MLLT1: variants seen among roughly 807,000 people sequenced by gnomAD.
The protein encoded by MLLT1 is MLLT1 super elongation complex subunit, also known as protein ENL.
In MLLT1, 11 loss-of-function variants were observed where a neutral mutation model predicts 55.1. The ratio of observed to expected loss-of-function variants is 0.20; its 90% CI spans 0.13 to 0.33. The LOEUF (loss-of-function observed/expected upper bound fraction) is 0.33, where lower values mean the gene tolerates loss of function less well. MLLT1 is among the 10% of genes least tolerant of loss of function. MLLT1 has a pLI of 1.00. For synonymous variants in MLLT1, 323 were observed against 320.1 expected, an observed-to-expected ratio of 1.01 and a Z score of -0.10; for missense variants, 536 against 760.6, an observed-to-expected ratio of 0.70 and a Z score of 3.47.
rs903624914 is a variant in MLLT1 at position 6,235,979 on chromosome 19, C to T, written c.277-5266G>A. ...TCCAAAGCATGTCTGTCTTCTGTCC[C>T]AGCATCCCACTGACCCATGAACACC... is the stretch of plus-strand genomic sequence containing the variant. On this transcript the variant is annotated intron_variant, in intron 3 of 11. Coordinates refer to ENST00000252674, the MANE Select transcript of MLLT1 (RefSeq NM_005934.4). This position sits in a 1 kb window ranked among gnomAD's most constrained non-coding sequence, Gnocchi z 5.5. Among the ~76,000 whole-genome samples, 3 of 152,196 alleles carry T rather than the reference C, an allele frequency of 2.0e-5. No homozygotes were observed. The highest frequency in any genetic ancestry group is 4.4e-5 in the Non-Finnish European group (3 of 68,046).
Position 6,279,832 on chromosome 19 carries a change from C to T in MLLT1, c.-48G>A. 1 of 137,004 alleles carries T rather than the reference C, an allele frequency of 7.3e-6. No individual in the cohort carries two copies. The highest frequency in any genetic ancestry group is 1.6e-5 in the Non-Finnish European group (1 of 61,142). The allele number at this position is 137,004 out of a possible 1,614,324, so 8.5% of individuals were successfully genotyped here. ...CGGGCCCCGCGTCGCTCGCCGCCGCCGCCGCCGCCGCCGCCGCTCAACGCC... is the reference window on the plus strand; with the variant it reads ...CGGGCCCCGCGTCGCTCGCCGCCGCTGCCGCCGCCGCCGCCGCTCAACGCC... On this transcript the variant is annotated 5_prime_UTR_variant, in exon 1 of 12. Transcript: ENST00000252674.
At chr19:6,269,899 T>A (rs932902800) in intron 2 of MLLT1, among the ~76,000 whole-genome samples, 1 of 152,162 alleles carries the variant, frequency 6.6e-6, no homozygotes, top group Non-Finnish European at 1.5e-5. Context: ...GTAAGAAAAG[T>A]AGACGCGGCC....
At chr19:6,267,762 CGAAGGT>C (rs2091360617) in intron 2 of MLLT1, among the ~76,000 whole-genome samples, 1 of 152,118 alleles carries the variant, frequency 6.6e-6, no homozygotes, top group Non-Finnish European at 1.5e-5. Flanking sequence ...AATCGGGGAG[CGAAGGT>C]CTTGGTCTTC....
chr19:6,224,208 C>T (rs2090932321), intron 5 of MLLT1, among the ~76,000 whole-genome samples: 1 of 152,252 alleles, frequency 6.6e-6, no homozygotes, highest in African/African-American at 2.4e-5. Flanking sequence ...CATTCAGTGT[C>T]AAAGGCTCAG....
chr19:6,267,594 G>C (rs1490555470), intron 2 of MLLT1, among the ~76,000 whole-genome samples: 2 of 152,106 alleles, frequency 1.3e-5, no homozygotes, highest in Non-Finnish European at 2.9e-5. Flanking sequence ...GTTTCACACA[G>C]ACCTGACTTT....
At position 6,270,499 on chromosome 19, in the gene MLLT1, G is replaced by A. The variant is rs1216721033; in HGVS notation, c.193+80C>T. 2.1e-6 allele frequency: 3 copies of A among 1,451,576 alleles called. No individual in the cohort carries two copies. Among genetic ancestry groups the A allele is most frequent in the African/African-American group, 2.8e-5 (2 of 70,876 alleles). The allele number at this position is 1,451,576 out of a possible 1,614,324, so 89.9% of individuals were successfully genotyped here. On this transcript the variant is annotated intron_variant, in intron 2 of 11. Coordinates refer to ENST00000252674, the MANE Select transcript of MLLT1 (RefSeq NM_005934.4). This position sits in a 1 kb window ranked among gnomAD's most constrained non-coding sequence, Gnocchi z 7.1. ...TTGGAGGGGTCCTGCTGCTCCTGAG[G>A]GAGGGGTGGAGCCTGGCCTTGGGAG...
intron 6 of MLLT1, among the ~76,000 whole-genome samples, chr19:6,220,761 C>A (rs1209544704): frequency 1.3e-5 from 2 of 152,208 alleles, no homozygotes; most frequent in African/African-American, 4.8e-5. Context: ...AGGGAGGGGA[C>A]AAGCGCCTGC....
In MLLT1 at chr19:6,222,478, G is replaced by C; in HGVS notation, c.753C>G (p.Phe251Leu). 1 of 1,591,588 alleles carries C rather than the reference G, an allele frequency of 6.3e-7. No homozygotes were observed. Among genetic ancestry groups the C allele is most frequent in the South Asian group, 1.1e-5 (1 of 90,408 alleles). The stretch of plus-strand genomic sequence containing the variant: ...CTTTCAGGGCCATCTTGGGTTCCTT[G>C]AAGGCAGCCTTGGGCGGTGGCGCCT... Reference protein sequence around the residue: ...EEKAPPPKAAFKEPKMALKET... With the variant: ...EEKAPPPKAALKEPKMALKET... The change falls in exon 6 of 12, where the codon TTC becomes TTG. Residue 251 changes from phenylalanine (F) to leucine (L), a missense_variant. By Grantham distance (22) the Phe-to-Leu change is conservative (BLOSUM62 0). This residue lies in a region of MLLT1 where 449 missense variants were observed against 489.0 expected (regional missense o/e 0.92). Transcript: ENST00000252674. The surrounding 1 kb of genome is among the most constrained non-coding windows in gnomAD (Gnocchi z 4.1).
In MLLT1 at chr19:6,262,174, GGAGC is replaced by G. The variant is rs2091311140; in HGVS notation, c.276+50_276+53del. On this transcript the variant is annotated intron_variant, in intron 3 of 11. Coordinates refer to ENST00000252674, the MANE Select transcript of MLLT1 (RefSeq NM_005934.4). The surrounding 1 kb of genome is among the most constrained non-coding windows in gnomAD (Gnocchi z 4.4). ...TGTTTTGTGAACTGCCGTGGCACCC[GGAGC>G]AGGGGTCCCCACAGAGAGGCATCCT... is the stretch of plus-strand genomic sequence containing the variant. 7.0e-7 allele frequency: 1 copy of G among 1,437,702 alleles called. No homozygotes were observed. The highest frequency in any genetic ancestry group is 1.7e-5 in the Admixed American group (1 of 59,474). 89.1% of individuals were successfully genotyped at this position (1,437,702 alleles called of 1,614,324 possible). A position where few individuals can be genotyped will look rare whatever the true frequency, so the allele number is the denominator to read the frequency against.
At chr19:6,237,741 C>T (rs913012945) in intron 3 of MLLT1, among the ~76,000 whole-genome samples, 15 of 140,210 alleles carry the variant, frequency 1.1e-4, no homozygotes, top group Non-Finnish European at 2.0e-4. Flanking sequence ...CCAGCCTGGG[C>T]GACTAAGTGA....
chr19:6,261,093 G>T (rs936785972), intron 3 of MLLT1, among the ~76,000 whole-genome samples: 2 of 152,190 alleles, frequency 1.3e-5, no homozygotes, highest in Non-Finnish European at 2.9e-5. Context: ...GATACAGCTG[G>T]GGAGACTGGG....
chr19:6,242,610 A>G (rs965384270), intron 3 of MLLT1, among the ~76,000 whole-genome samples: 2 of 152,158 alleles, frequency 1.3e-5, no homozygotes, highest in African/African-American at 4.8e-5. Flanking sequence ...TGTACCCCTC[A>G]TGTGCTTTCT....
intron 2 of MLLT1, among the ~76,000 whole-genome samples, chr19:6,265,095 G>T (rs771845276): frequency 3.1e-5 from 4 of 128,182 alleles, no homozygotes; most frequent in Non-Finnish European, 6.6e-5. Flanking sequence ...TAAAGCAAGC[G>T]TCCTAAAAAC....
chr19:6,212,103 AGAG>A lies in MLLT1; in HGVS notation c.*936_*938del. ...TTGAAGACTTGAATGAAAGAGAGGA[AGAG>A]GAGCCTATGGGAGGAGGCCGAGCCC... On this transcript the variant is annotated 3_prime_UTR_variant, in exon 12 of 12. Coordinates refer to ENST00000252674, the MANE Select transcript of MLLT1 (RefSeq NM_005934.4). 9.4e-7 allele frequency: 1 copy of A among 1,066,140 alleles called. No homozygotes were observed. The highest frequency in any genetic ancestry group is 1.1e-6 in the Non-Finnish European group (1 of 879,622). 66.0% of individuals were successfully genotyped at this position (1,066,140 alleles called of 1,614,324 possible).
rs1473892307 is a variant in MLLT1, at chr19:6,256,249, A to ATAAATAAATAAG, written c.276+5978_276+5979insCTTATTTATTTA. Among the ~76,000 whole-genome samples, 2 of 150,342 alleles carry ATAAATAAATAAG rather than the reference A, an allele frequency of 1.3e-5. No homozygotes were observed. Among genetic ancestry groups the ATAAATAAATAAG allele is most frequent in the African/African-American group, 4.9e-5 (2 of 40,768 alleles). ...AATAAATAAATAAATAAATAAATAAATAAATAAAAAGACCAGCCTGGGCAA... is the reference window on the plus strand; with the variant it reads ...AATAAATAAATAAATAAATAAATAAATAAATAAATAAGTAAATAAAAAGACCAGCCTGGGCAA... On this transcript the variant is annotated intron_variant, in intron 3 of 11. Coordinates refer to ENST00000252674, the MANE Select transcript of MLLT1 (RefSeq NM_005934.4). This position sits in a 1 kb window ranked among gnomAD's most constrained non-coding sequence, Gnocchi z 4.1.
Position 6,265,418 on chromosome 19 carries a change from C to T in MLLT1, c.194-3108G>A, listed in dbSNP as rs150142712. ...GGGTGCAGTGGCTCCCGCCTGTAATCCCAGTACTTTGGGAGGCTGAGGAAG... is the reference window on the plus strand; with the variant it reads ...GGGTGCAGTGGCTCCCGCCTGTAATTCCAGTACTTTGGGAGGCTGAGGAAG... On this transcript the variant is annotated intron_variant, in intron 2 of 11. Transcript: ENST00000252674. Among the ~76,000 whole-genome samples, 1,408 of 152,322 alleles carry T rather than the reference C, an allele frequency of 9.2e-3. 9 individuals carry two copies. The highest frequency in any genetic ancestry group is 0.041 in the Middle Eastern group (12 of 294).
At chr19:6,217,371 C>G (rs1490881960) in intron 7 of MLLT1, among the ~76,000 whole-genome samples, 1 of 152,208 alleles carries the variant, frequency 6.6e-6, no homozygotes, top group Admixed American at 6.5e-5. Flanking sequence ...GGACTGGGGC[C>G]GGGGGCTCAG....
In MLLT1 at chr19:6,270,843, T is replaced by G. The variant is rs975644321; in HGVS notation, c.13-84A>C. ...CCCCTTACCCACAGAGAACTTTCGA[T>G]AAAGACCCCCAGCAGTGCAATACGC... On this transcript the variant is annotated intron_variant, in intron 1 of 11. Coordinates refer to ENST00000252674, the MANE Select transcript of MLLT1 (RefSeq NM_005934.4). This position sits in a 1 kb window ranked among gnomAD's most constrained non-coding sequence, Gnocchi z 7.1. 7.5e-7 allele frequency: 1 copy of G among 1,342,166 alleles called. No individual in the cohort carries two copies. The highest frequency in any genetic ancestry group is 1.0e-6 in the Non-Finnish European group (1 of 985,012). The allele number at this position is 1,342,166 out of a possible 1,614,324, so 83.1% of individuals were successfully genotyped here.
chr19:6,260,946 A>C (rs1309414597), intron 3 of MLLT1, among the ~76,000 whole-genome samples: 1 of 152,226 alleles, frequency 6.6e-6, no homozygotes, highest in African/African-American at 2.4e-5. Flanking sequence ...CTGCCCATAC[A>C]GATGGTGGTC....
Sources: allele counts gnomAD v4.1 joint callset (sites outside exome capture counted in the v4.1 genomes callset), GRCh38; gene constraint gnomAD v4.1.1; regional missense constraint gnomAD v4.1.1; non-coding constraint Gnocchi (gnomAD v3.1); transcripts MANE v1.5; gene names NCBI Gene and HGNC (gene_info 2026-07-23, HGNC 2026-07-21).